Variants in ZFPM2 observed in about 807,000 individuals in gnomAD.
ZFPM2 encodes the protein zinc finger protein ZFPM2.
A neutral mutation model predicts 98.6 loss-of-function variants in ZFPM2; 20 were observed. The ratio of observed to expected loss-of-function variants is 0.20; its 90% CI spans 0.14 to 0.29. The LOEUF (loss-of-function observed/expected upper bound fraction) is 0.29. Ranked by LOEUF, ZFPM2 falls within the 10% of genes least tolerant of loss-of-function variation. The pLI, the probability that ZFPM2 is intolerant of heterozygous loss-of-function variation, is 1.00. For synonymous variants in ZFPM2, 518 were observed against 502.7 expected (o/e 1.03, Z -0.41); for missense variants, 1,310 against 1,388.6 (o/e 0.94, Z 0.90).
intron 4 of ZFPM2, among the ~76,000 whole-genome samples, chr8:105,626,889 C>T (rs1409694644): frequency 1.3e-5 from 2 of 152,078 alleles, no homozygotes; most frequent in East Asian, 3.9e-4. Flanking sequence ...GTTGTATTTC[C>T]TAAACTAAAG....
rs751381659 is a variant in ZFPM2, at chr8:105,803,024, T to C, written c.2942T>C (p.Leu981Pro). 2 of 1,613,346 alleles carry C rather than the reference T, an allele frequency of 1.2e-6. No individual in the cohort carries two copies. Among genetic ancestry groups the C allele is most frequent in the African/African-American group, 1.3e-5 (1 of 75,042 alleles). Residue 981 changes from leucine to proline, a missense_variant, in exon 8 of 8, where the codon CTT (leucine) becomes CCT (proline). By Grantham distance (98) the Leu-to-Pro change is moderately conservative (BLOSUM62 -3). Transcript: ENST00000407775. Reference sequence around the variant, plus strand: ...AAGAAAGCAAAAGGAGCCGACCAGCTTTCTCCATATTATGGAATCAAGCCA... The same window carrying C: ...AAGAAAGCAAAAGGAGCCGACCAGCCTTCTCCATATTATGGAATCAAGCCA... Reference protein sequence around the residue: ...AIKKAKGADQLSPYYGIKPSD... With the variant: ...AIKKAKGADQPSPYYGIKPSD...
At chr8:105,394,468 G>A (rs1277915161) in intron 1 of ZFPM2, among the ~76,000 whole-genome samples, 2 of 152,206 alleles carry the variant, frequency 1.3e-5, no homozygotes, top group African/African-American at 4.8e-5. Context: ...GAAATTGAGA[G>A]TGTTTTAAAA....
chr8:105,743,663 C>G (rs1812277308), intron 5 of ZFPM2, among the ~76,000 whole-genome samples: 1 of 152,028 alleles, frequency 6.6e-6, no homozygotes, highest in Non-Finnish European at 1.5e-5. Flanking sequence ...AGTCATCTGG[C>G]CCCTTTGTGC....
chr8:105,666,659 A>G (rs1376361110), intron 5 of ZFPM2, among the ~76,000 whole-genome samples: 1 of 152,238 alleles, frequency 6.6e-6, no homozygotes, highest in East Asian at 1.9e-4. Flanking sequence ...TCATAATATT[A>G]CTAAGAGGTT....
chr8:105,324,984 G>C (rs1812089051), intron 1 of ZFPM2, among the ~76,000 whole-genome samples: 1 of 151,788 alleles, frequency 6.6e-6, no homozygotes, highest in Non-Finnish European at 1.5e-5. Flanking sequence ...AGTATGAGTG[G>C]ATATGTTAAC....
At chr8:105,353,221 C>T (rs1453662208) in intron 1 of ZFPM2, among the ~76,000 whole-genome samples, 1 of 152,026 alleles carries the variant, frequency 6.6e-6, no homozygotes, top group African/African-American at 2.4e-5. Context: ...TGAAGGGATC[C>T]CCCCACCCCA....
chr8:105,564,162 T>G (rs2130705593), intron 4 of ZFPM2, among the ~76,000 whole-genome samples: 1 of 152,132 alleles, frequency 6.6e-6, no homozygotes, highest in Non-Finnish European at 1.5e-5. Flanking sequence ...ATGCCATATT[T>G]AATATTTTTA....
chr8:105,587,118 A>T lies in ZFPM2; in HGVS notation c.420+25637A>T, dbSNP rs575689531. Among the ~76,000 whole-genome samples, 20 of 151,594 alleles carry T rather than the reference A, an allele frequency of 1.3e-4. No individual in the cohort carries two copies. The South Asian group carries it at 3.8e-3, about 28-fold the overall frequency. On this transcript the variant is annotated intron_variant, in intron 4 of 7. Transcript: ENST00000407775. The stretch of plus-strand genomic sequence containing the variant: ...GGTGAAACCCCGTCTCTACTAAAAA[A>T]TACAAAAAATTAACCGGGCGTGGTG...
intron 1 of ZFPM2, among the ~76,000 whole-genome samples, chr8:105,397,026 A>C: frequency 6.6e-6 from 1 of 152,320 alleles, no homozygotes; most frequent in Non-Finnish European, 1.5e-5. Flanking sequence ...AACTTCAAAT[A>C]ATGTATTTTT....
At chr8:105,534,280 C>T (rs1288128391) in intron 3 of ZFPM2, among the ~76,000 whole-genome samples, 2 of 92,230 alleles carry the variant, frequency 2.2e-5, no homozygotes, top group Non-Finnish European at 4.2e-5. Context: ...CCTTCTTTCC[C>T]TCCCTCCCTC....
intron 3 of ZFPM2, among the ~76,000 whole-genome samples, chr8:105,491,475 C>T (rs184389824): frequency 4.6e-5 from 7 of 152,176 alleles, no homozygotes; most frequent in Admixed American, 3.3e-4. Flanking sequence ...ATCATCATTC[C>T]GTTTATCACA....
chr8:105,374,143 G>T (rs1287043449), intron 1 of ZFPM2, among the ~76,000 whole-genome samples: 1 of 152,122 alleles, frequency 6.6e-6, no homozygotes, highest in African/African-American at 2.4e-5. Context: ...TAATATGTAG[G>T]TTTTGTATAG....
Position 105,625,654 on chromosome 8 carries a change from C to T in ZFPM2, c.421-8592C>T, listed in dbSNP as rs534603825. Among the ~76,000 whole-genome samples the T allele has an allele frequency of 1.4e-4, 21 of 151,548 alleles. 1 individual carries two copies. The South Asian group carries it at 4.4e-3, about 32-fold the overall frequency. On this transcript the variant is annotated intron_variant, in intron 4 of 7. Transcript: ENST00000407775. Reference sequence around the variant, plus strand: ...GGAGTGCAGTGGTGCGATCTCGGCTCACTGCAACCTCCGCCTCCCAGGTTC... The same window carrying T: ...GGAGTGCAGTGGTGCGATCTCGGCTTACTGCAACCTCCGCCTCCCAGGTTC...
chr8:105,713,303 G>T (rs1190573273), intron 5 of ZFPM2, among the ~76,000 whole-genome samples: 2 of 151,936 alleles, frequency 1.3e-5, no homozygotes, highest in African/African-American at 4.8e-5. Context: ...TCATATGTTT[G>T]TTGGCTGTTT....
intron 4 of ZFPM2, among the ~76,000 whole-genome samples, chr8:105,566,732 G>C (rs1370131671): frequency 6.6e-6 from 1 of 152,082 alleles, no homozygotes; most frequent in Admixed American, 6.6e-5. Flanking sequence ...CCAACTGCTG[G>C]AATCATACAA....
intron 4 of ZFPM2, among the ~76,000 whole-genome samples, chr8:105,594,996 T>C (rs1366924784): frequency 6.6e-6 from 1 of 152,074 alleles, no homozygotes; most frequent in Non-Finnish European, 1.5e-5. Context: ...AAATAAGCAG[T>C]AGAAACAACT....
chr8:105,560,983 T>G (rs989330690), intron 3 of ZFPM2, among the ~76,000 whole-genome samples: 1 of 152,196 alleles, frequency 6.6e-6, no homozygotes, highest in Non-Finnish European at 1.5e-5. Context: ...TGTTTGACAG[T>G]CTTGAATAAA....
intron 1 of ZFPM2, among the ~76,000 whole-genome samples, chr8:105,378,117 A>G (rs1810767048): frequency 6.6e-6 from 1 of 152,292 alleles, no homozygotes; most frequent in East Asian, 1.9e-4. Context: ...ATATTGGATG[A>G]TATAGCCAAA....
At chr8:105,423,573 G>A (rs1273627108) in intron 2 of ZFPM2, among the ~76,000 whole-genome samples, 1 of 152,166 alleles carries the variant, frequency 6.6e-6, no homozygotes, top group African/African-American at 2.4e-5. Context: ...TATAGATGAT[G>A]AAGACATCAA....
Sources: gnomAD v4.1 joint callset for allele counts (sites outside exome capture counted in the v4.1 genomes callset) on GRCh38, gnomAD v4.1.1 for gene constraint, MANE v1.5 for transcripts, NCBI Gene and HGNC (gene_info 2026-07-23, HGNC 2026-07-21) for gene names.